Variants in OCLN observed in about 807,000 individuals in gnomAD.
OCLN encodes occludin.
OCLN carries 21 observed loss-of-function variants against 47.9 expected under a neutral mutation model. That is an observed-to-expected ratio of 0.44 (90% CI 0.31 to 0.63). The LOEUF is 0.63. OCLN is among the 30% of genes least tolerant of loss of function. OCLN has a pLI of 0.08. For missense variants in OCLN, 360 were observed against 571.0 expected, an observed-to-expected ratio of 0.63 and a Z score of 3.77; for synonymous variants, 117 against 198.4, an observed-to-expected ratio of 0.59 and a Z score of 3.45.
chr5:69,525,198 G>A (rs945342253), intron 4 of OCLN, among the ~76,000 whole-genome samples: 21 of 151,654 alleles, frequency 1.4e-4, no homozygotes, highest in Non-Finnish European at 2.9e-4. Context: ...TCCACCTCCC[G>A]GGTTGACGCC....
intron 4 of OCLN, among the ~76,000 whole-genome samples, chr5:69,517,947 T>C (rs1769024035): frequency 6.6e-6 from 1 of 152,202 alleles, no homozygotes; most frequent in Non-Finnish European, 1.5e-5. Context: ...GTGTTAGTTT[T>C]CGTTGGCAGT....
At chr5:69,516,149 T>C (rs1228858160) in intron 4 of OCLN, among the ~76,000 whole-genome samples, 1 of 151,692 alleles carries the variant, frequency 6.6e-6, no homozygotes, top group Non-Finnish European at 1.5e-5. Flanking sequence ...GGCAGGCGGC[T>C]GGGAGGTGGA....
Position 69,493,692 on chromosome 5 carries a change from G to A in OCLN, c.-69+792G>A, listed in dbSNP as rs543864575. Among the ~76,000 whole-genome samples, 3 of 152,296 alleles carry A rather than the reference G, an allele frequency of 2.0e-5. No individual in the cohort carries two copies. Among genetic ancestry groups the A allele is most frequent in the South Asian group, 4.1e-4 (2 of 4,830 alleles). The stretch of plus-strand genomic sequence containing the variant: ...GAACGTGGGCGCGCGCTGCCTGGGA[G>A]CGCCTCGGTGCGCACGGAAGCCGGG... On this transcript the variant is annotated intron_variant, in intron 1 of 8. Transcript: ENST00000396442. This position sits in a 1 kb window ranked among gnomAD's most constrained non-coding sequence, Gnocchi z 5.3.
chr5:69,509,758 C>G lies in OCLN; in HGVS notation c.668C>G (p.Ala223Gly). ...CTCTGCAACCAATTTTATACACCTG[C>G]AGCTACTGGACTCTACGTGGATCAG... ...YALCNQFYTP[A>G]ATGLYVDQYL... is the part of the protein sequence containing the mutation. Residue 223 changes from alanine to glycine, a missense_variant, in exon 3 of 9, where the codon GCA (alanine) becomes GGA (glycine). By Grantham distance (60) the Ala-to-Gly change is moderately conservative. Around this residue, in one of 3 missense-constraint regions of OCLN, gnomAD observed 314 missense variants for 368.1 expected, o/e 0.85. Transcript: ENST00000396442. The G allele has an allele frequency of 6.2e-7, 1 of 1,614,122 alleles. No individual in the cohort carries two copies. Among genetic ancestry groups the G allele is most frequent in the Non-Finnish European group, 8.5e-7 (1 of 1,179,980 alleles).
At chr5:69,524,318 A>G (rs1769220902) in intron 4 of OCLN, among the ~76,000 whole-genome samples, 2 of 152,212 alleles carry the variant, frequency 1.3e-5, no homozygotes, top group Admixed American at 6.5e-5. Flanking sequence ...ACTAAGTTAC[A>G]TTATACATTT....
rs146441694 is a variant in OCLN at position 69,526,717 on chromosome 5, T to C, written c.892-7977T>C. ...TTATAAAGGGTTACAACCTGTAAGG[T>C]GGCCATCCTTGACAGTCTTGGAAGC... On this transcript the variant is annotated intron_variant, in intron 4 of 8. Transcript: ENST00000396442. Among the ~76,000 whole-genome samples the C allele has an allele frequency of 1.2e-3, 185 of 152,304 alleles. 1 individual carries two copies. The highest frequency in any genetic ancestry group is 1.9e-3 in the Non-Finnish European group (131 of 68,030).
rs765022975 is a variant in OCLN at position 69,509,266 on chromosome 5, C to T, written c.176C>T (p.Thr59Ile). 7.4e-6 allele frequency: 12 copies of T among 1,614,194 alleles called. No homozygotes were observed. The highest frequency in any genetic ancestry group is 2.2e-5 in the East Asian group (1 of 44,892). The change falls in exon 3 of 9, where the codon ACC becomes ATC. Residue 59 changes from threonine to isoleucine, a missense_variant. By Grantham distance (89) the Thr-to-Ile change is moderately conservative (BLOSUM62 -1). Coordinates refer to ENST00000396442, the MANE Select transcript of OCLN (RefSeq NM_001205254.2). ...GAAATTCTTCACTTCTACAAATGGA[C>T]CTCTCCTCCAGGAGTGATTCGGATC... Reference protein sequence around the residue: ...EDEILHFYKWTSPPGVIRILS... With the variant: ...EDEILHFYKWISPPGVIRILS...
intron 4 of OCLN, among the ~76,000 whole-genome samples, chr5:69,522,241 TG>T (rs1324929741): frequency 6.6e-6 from 1 of 152,236 alleles, no homozygotes; most frequent in East Asian, 1.9e-4. Flanking sequence ...AATACCCTCC[TG>T]TAGTTTCGTT....
chr5:69,499,109 T>C (rs755136336), intron 1 of OCLN, among the ~76,000 whole-genome samples: 19 of 152,200 alleles, frequency 1.2e-4, no homozygotes, highest in Non-Finnish European at 7.3e-5. Flanking sequence ...GACAGGGTAT[T>C]ACTGTTACTC....
intron 7 of OCLN, among the ~76,000 whole-genome samples, chr5:69,550,188 A>AT (rs796132410): frequency 1.1e-3 from 67 of 58,902 alleles, no homozygotes; most frequent in Non-Finnish European, 1.4e-3. Flanking sequence ...TACTTATCTA[A>AT]TTTTTTTTTT....
Position 69,557,420 on chromosome 5 carries a change from A to G in OCLN, c.*3749A>G. 5.0e-5 allele frequency: 4 copies of G among 79,624 alleles called. 2 individuals are homozygous for G. Among genetic ancestry groups the G allele is most frequent in the Non-Finnish European group, 1.5e-4 (4 of 26,242 alleles). The allele number at this position is 79,624 out of a possible 1,614,324, so 4.9% of individuals were successfully genotyped here. The stretch of plus-strand genomic sequence containing the variant: ...TGTCTAAAAGTAAATATGCCTAGCT[A>G]CCCCCATCTTCCAAAGCCAGAAGGT... On this transcript the variant is annotated 3_prime_UTR_variant, in exon 9 of 9. Transcript: ENST00000396442.
intron 4 of OCLN, among the ~76,000 whole-genome samples, chr5:69,526,052 A>G (rs748917179): frequency 2.6e-5 from 4 of 152,218 alleles, no homozygotes; most frequent in African/African-American, 7.2e-5. Context: ...TACGAGGTAC[A>G]GTGGTCTGCA....
rs922769160 is a variant in OCLN, at chr5:69,549,810, A to C, written c.1425+1709A>C. Among the ~76,000 whole-genome samples the C allele has an allele frequency of 4.0e-4, 61 of 151,778 alleles. 1 individual carries two copies. Among genetic ancestry groups the C allele is most frequent in the African/African-American group, 1.4e-3 (59 of 41,514 alleles). ...TGTTTTATACTGTGAATTATAATCC[A>C]AGGCTGCTTTATTTTGTAGCTCTAA... On this transcript the variant is annotated intron_variant, in intron 7 of 8. Coordinates refer to ENST00000396442, the MANE Select transcript of OCLN (RefSeq NM_001205254.2).
intron 4 of OCLN, among the ~76,000 whole-genome samples, chr5:69,519,319 C>T (rs1296030481): frequency 1.3e-5 from 2 of 152,182 alleles, no homozygotes; most frequent in Admixed American, 1.3e-4. Flanking sequence ...CCTCTCAGAG[C>T]AGAGGGTAGT....
chr5:69,517,783 A>C (rs1055391723), intron 4 of OCLN, among the ~76,000 whole-genome samples: 1 of 151,906 alleles, frequency 6.6e-6, no homozygotes, highest in Admixed American at 6.6e-5. Context: ...CTTGACTTGA[A>C]GCCCTGTTTT....
Position 69,550,292 on chromosome 5 carries a change from A to G in OCLN, c.1426-1252A>G, listed in dbSNP as rs1342562572. 5.9e-5 allele frequency among the ~76,000 whole-genome samples: 7 copies of G among 118,330 alleles called. 1 individual carries two copies. The allele number at this position is 118,330 out of a possible 152,430, so 77.6% of individuals were successfully genotyped here. ...CTGCAACCTTCGCCTCCTAGGTTCA[A>G]GTGATTCTCCCGCCTCAGCCTCCCG... On this transcript the variant is annotated intron_variant, in intron 7 of 8. Transcript: ENST00000396442.
At position 69,504,285 on chromosome 5, in the gene OCLN, C is replaced by T. The variant is rs1173899448; in HGVS notation, c.41C>T (p.Pro14Leu). 6.3e-7 allele frequency: 1 copy of T among 1,589,868 alleles called. No homozygotes were observed. Among genetic ancestry groups the T allele is most frequent in the African/African-American group, 1.3e-5 (1 of 74,442 alleles). The part of the protein sequence containing the change: ...RPLESPPPYR[P>L]DEFKPNHYAP... ...CTTGAAAGTCCACCTCCTTACAGGC[C>T]TGATGAATTGTAAGTAAATAATTCT... Residue 14 changes from proline to leucine, a missense_variant, in exon 2 of 9, where the codon CCT becomes CTT. This residue lies in a region of OCLN where 314 missense variants were observed against 368.1 expected (regional missense o/e 0.85). Transcript: ENST00000396442.
chr5:69,516,260 C>T (rs975675512), intron 4 of OCLN, among the ~76,000 whole-genome samples: 3 of 152,216 alleles, frequency 2.0e-5, no homozygotes, highest in South Asian at 2.1e-4. Flanking sequence ...CTTGGGAGGC[C>T]GAGGCTGGCG....
At chr5:69,498,210 A>G (rs1038347176) in intron 1 of OCLN, among the ~76,000 whole-genome samples, 1 of 152,122 alleles carries the variant, frequency 6.6e-6, no homozygotes, top group Non-Finnish European at 1.5e-5. Flanking sequence ...AATTCAGTTT[A>G]TGGCTGGGCA....
Sources: allele counts gnomAD v4.1 joint callset (sites outside exome capture counted in the v4.1 genomes callset), GRCh38; gene constraint gnomAD v4.1.1; regional missense constraint gnomAD v4.1.1; non-coding constraint Gnocchi (gnomAD v3.1); transcripts MANE v1.5; gene names NCBI Gene and HGNC (gene_info 2026-07-23, HGNC 2026-07-21).